Variants in AKNA observed in about 807,000 individuals in gnomAD.
AKNA encodes microtubule organization protein AKNA.
AKNA carries 67 observed loss-of-function variants against 138.8 expected under a neutral mutation model. The observed-to-expected ratio is 0.48, with a 90% CI of 0.40 to 0.59. The LOEUF is 0.59. Ranked by LOEUF, AKNA falls within the 20% of genes least tolerant of loss-of-function variation. The pLI is 0.00. For synonymous variants in AKNA, 737 were observed against 754.4 expected (o/e 0.98, Z 0.38); for missense variants, 1,813 against 1,880.4 (o/e 0.96, Z 0.66).
At chr9:114,331,885 T>C (rs773391860), downstream of AKNA, 3 of 1,613,864 alleles carry the variant, frequency 1.9e-6, no homozygotes, top group South Asian at 3.3e-5. Context: ...TCTCGACTGC[T>C]TGTGCATTCC....
rs1216120452 is a variant in AKNA at position 114,364,633 on chromosome 9, G to A, written c.1729-14C>T. 7 of 1,613,724 alleles carry A rather than the reference G, an allele frequency of 4.3e-6. No homozygotes were observed. The South Asian group carries it at 5.5e-5, about 13-fold the overall frequency. ...AAAGGACTCCACCTGGACATTGGGA[G>A]GGGAAGGAAATATGCTCCATTAATC... On this transcript the variant is annotated splice_polypyrimidine_tract_variant and intron_variant, in intron 6 of 21. Transcript: ENST00000374088.
chr9:114,347,154 G>C (rs1249723), intron 16 of AKNA, among the ~76,000 whole-genome samples: 26,943 of 152,178 alleles, frequency 0.18, 7,615 homozygotes, highest in African/African-American at 0.6. Context: ...GTGAAGGCAT[G>C]CTGGCAATGT....
chr9:114,343,653 G>A (rs1588945854), intron 19 of AKNA, 55 bp downstream of exon 19: 1 of 1,558,794 alleles, frequency 6.4e-7, no homozygotes, highest in African/African-American at 1.4e-5. Context: ...TCCCCTGAGG[G>A]CAAGAAGCTG....
At position 114,387,852 on chromosome 9, in the gene AKNA, T is replaced by C. The variant is rs1224552008; in HGVS notation, c.-114+8A>G. On this transcript the variant is annotated splice_region_variant and intron_variant, in intron 1 of 21. Transcript: ENST00000374088. The stretch of plus-strand genomic sequence containing the variant: ...CCTCCCGGGCCCTCCTCCGTTCCAA[T>C]CCCTTACCTCTCTCGGGCTCCACCA... 4.4e-6 allele frequency: 2 copies of C among 450,756 alleles called. No homozygotes were observed. Among genetic ancestry groups the C allele is most frequent in the Non-Finnish European group, 8.9e-6 (2 of 223,540 alleles). The allele number at this position is 450,756 out of a possible 1,614,324, so 27.9% of individuals were successfully genotyped here.
intron 18 of AKNA, 188 bp downstream of exon 18, chr9:114,345,675 G>C: frequency 1.8e-6 from 1 of 564,368 alleles, no homozygotes; most frequent in South Asian, 2.3e-5. Flanking sequence ...ATGAATGAAT[G>C]AATGAATGAA....
intron 2 of AKNA, among the ~76,000 whole-genome samples, chr9:114,378,946 C>T (rs1024145115): frequency 6.6e-6 from 1 of 152,206 alleles, no homozygotes. Context: ...CTCTGTTCCT[C>T]CATGCTCTTT....
intron 6 of AKNA, among the ~76,000 whole-genome samples, chr9:114,365,131 C>T (rs145025538): frequency 3.4e-4 from 52 of 152,140 alleles, no homozygotes; most frequent in African/African-American, 1.1e-3. Context: ...ATACGATATA[C>T]TATCTCTAGA....
At chr9:114,376,337 C>A (rs1833195064) in intron 3 of AKNA, 129 bp downstream of exon 3, 1 of 968,284 alleles carries the variant, frequency 1.0e-6, no homozygotes, top group African/African-American at 1.7e-5. Flanking sequence ...CTTCCCACCC[C>A]AGCCAGGCTC....
At chr9:114,357,041 TG>T in intron 12 of AKNA, 72 bp from the exon 13 acceptor site, 1 of 1,396,302 alleles carries the variant, frequency 7.2e-7, no homozygotes, top group Non-Finnish European at 9.7e-7. Flanking sequence ...TCCCAAATCG[TG>T]GCCTGGCCTC....
At position 114,385,706 on chromosome 9, in the gene AKNA, C is replaced by T. The variant is rs187718005; in HGVS notation, c.-114+2154G>A. On this transcript the variant is annotated intron_variant, in intron 1 of 21. Coordinates refer to ENST00000374088, the MANE Select transcript of AKNA (RefSeq NM_001317950.2). ...GAGTTTCGCACTTGCCCCCAGGCGC[C>T]TAAACCAGTGAGCCTTTCCTGAGCC... 2.0e-5 allele frequency among the ~76,000 whole-genome samples: 3 copies of T among 152,316 alleles called. No individual in the cohort carries two copies. The East Asian group carries it at 5.8e-4, about 29-fold the overall frequency.
intron 14 of AKNA, among the ~76,000 whole-genome samples, chr9:114,352,490 G>T (rs1157730722): frequency 6.6e-6 from 1 of 151,910 alleles, no homozygotes; most frequent in Admixed American, 6.6e-5. Context: ...CCAGCTACTC[G>T]CGAGGCTGAG....
In AKNA at chr9:114,377,535, G is replaced by C. The variant is rs202093704; in HGVS notation, c.275-3C>G. The stretch of plus-strand genomic sequence containing the variant: ...GTCCACATCCTCTGCTTCAGCCTCT[G>C]GAAAGACAGGCCATTCACTTCTTAG... On this transcript the variant is annotated splice_polypyrimidine_tract_variant and splice_region_variant and intron_variant, in intron 2 of 21. Transcript: ENST00000374088. The C allele has an allele frequency of 6.3e-7, 1 of 1,586,620 alleles. No homozygotes were observed. Among genetic ancestry groups the C allele is most frequent in the South Asian group, 1.1e-5 (1 of 87,130 alleles).
At position 114,361,684 on chromosome 9, in the gene AKNA, A is replaced by G; in HGVS notation, c.2124+20T>C. The G allele has an allele frequency of 1.2e-6, 2 of 1,611,902 alleles. No individual in the cohort carries two copies. Among genetic ancestry groups the G allele is most frequent in the Non-Finnish European group, 1.7e-6 (2 of 1,179,432 alleles). The stretch of plus-strand genomic sequence containing the variant: ...TGAATGCACGAGGGAACAGCCCAAT[A>G]TGGTTGAGCCAAGAGGTACCTCAGG... On this transcript the variant is annotated intron_variant, in intron 9 of 21. Transcript: ENST00000374088.
intron 1 of AKNA, among the ~76,000 whole-genome samples, chr9:114,387,501 C>T (rs994377635): frequency 3.9e-5 from 6 of 152,220 alleles, no homozygotes; most frequent in African/African-American, 1.4e-4. Flanking sequence ...TGCCTCCTGG[C>T]CTGCTGCCCA....
intron 1 of AKNA, 117 bp from the exon 2 acceptor site, chr9:114,381,563 T>C (rs1833675054): frequency 1.9e-6 from 2 of 1,078,648 alleles, no homozygotes; most frequent in South Asian, 3.9e-5. Flanking sequence ...CCTGGTTGTG[T>C]CCTCCCGAAG....
chr9:114,330,538 G>A (rs771752640), downstream of AKNA: 5 of 1,612,580 alleles, frequency 3.1e-6, no homozygotes, highest in Admixed American at 8.3e-5. Context: ...CCCCCAACAA[G>A]ACAGAGGACA....
chr9:114,388,053 C>T (rs866226739), upstream of AKNA: 4 of 265,424 alleles, frequency 1.5e-5, no homozygotes, highest in South Asian at 5.7e-5. Flanking sequence ...TGGTTGAGGC[C>T]GCCTCGCCTC....
chr9:114,345,180 G>C (rs1830599545), intron 18 of AKNA: 1 of 152,022 alleles, frequency 6.6e-6, no homozygotes, highest in Non-Finnish European at 1.5e-5. Flanking sequence ...GGGTTCAAGA[G>C]ATTCTTGTGC....
At position 114,359,670 on chromosome 9, in the gene AKNA, C is replaced by T. The variant is rs202212645; in HGVS notation, c.2416G>A (p.Gly806Arg). ...AGGACCCTGGTGGCCTCTGCTTTCCCTGGAGTTGCAGCCACCCCATCAACT... is the reference window on the plus strand; with the variant it reads ...AGGACCCTGGTGGCCTCTGCTTTCCTTGGAGTTGCAGCCACCCCATCAACT... ...LEVDGVAATPGKAEATRVLPR... is the reference protein window; with the variant it reads ...LEVDGVAATPRKAEATRVLPR... The change falls in exon 11 of 22, where the codon GGG becomes AGG. Residue 806 changes from glycine to arginine, a missense_variant. Physicochemically the swap from Gly to Arg is moderately radical, Grantham distance 125. Transcript: ENST00000374088. 3.1e-6 allele frequency: 5 copies of T among 1,613,726 alleles called. No individual in the cohort carries two copies. Among genetic ancestry groups the T allele is most frequent in the Non-Finnish European group, 4.2e-6 (5 of 1,179,784 alleles).
Sources: gnomAD v4.1 joint callset for allele counts (sites outside exome capture counted in the v4.1 genomes callset) on GRCh38, gnomAD v4.1.1 for gene constraint, MANE v1.5 for transcripts, NCBI Gene and HGNC (gene_info 2026-07-23, HGNC 2026-07-21) for gene names.